The following SNTG2 variants were observed in gnomAD, a reference collection of about 807,000 sequenced individuals.
SNTG2 encodes gamma-2-syntrophin.
A neutral mutation model predicts 70.9 loss-of-function variants in SNTG2; 74 were observed. The observed-to-expected ratio is 1.04, with a 90% confidence interval of 0.86 to 1.27. The LOEUF (loss-of-function observed/expected upper bound fraction) is 1.27. Among genes scored for constraint, SNTG2 ranks in the 50% most tolerant of loss-of-function variants. The pLI, the probability that SNTG2 is intolerant of heterozygous loss-of-function variation, is 0.00. For missense variants in SNTG2, 717 were observed against 690.7 expected (o/e 1.04, Z -0.43); for synonymous variants, 278 against 273.8 (o/e 1.02, Z -0.15).
intron 1 of SNTG2, among the ~76,000 whole-genome samples, chr2:970,750 G>A (rs2147955761): frequency 6.6e-6 from 1 of 151,170 alleles, no homozygotes; most frequent in African/African-American, 2.4e-5. Context: ...TGTCTTTATA[G>A]CAGCATGATT....
At chr2:986,518 G>GGAA (rs1478490417) in intron 1 of SNTG2, among the ~76,000 whole-genome samples, 1 of 152,200 alleles carries the variant, frequency 6.6e-6, no homozygotes, top group Non-Finnish European at 1.5e-5. Flanking sequence ...AGTTAAAAAG[G>GGAA]GAAGATTTCA....
intron 16 of SNTG2, among the ~76,000 whole-genome samples, chr2:1,347,685 C>G (rs1222013470): frequency 1.3e-5 from 2 of 152,180 alleles, no homozygotes; most frequent in African/African-American, 4.8e-5. Context: ...ATGGCTGCAT[C>G]TCGCCCAACC....
chr2:982,891 A>G (rs1275709933), intron 1 of SNTG2, among the ~76,000 whole-genome samples: 3 of 152,128 alleles, frequency 2.0e-5, no homozygotes, highest in Non-Finnish European at 1.5e-5. Context: ...CCCCATCCCA[A>G]GGAGGGGGAA....
intron 4 of SNTG2, among the ~76,000 whole-genome samples, chr2:1,125,615 A>G (rs1257139878): frequency 1.3e-5 from 2 of 152,254 alleles, no homozygotes; most frequent in Non-Finnish European, 2.9e-5. Flanking sequence ...AGGAAAGCAT[A>G]CTTTAGATGG....
chr2:1,323,990 T>C (rs1260723307), intron 16 of SNTG2, among the ~76,000 whole-genome samples: 1 of 150,800 alleles, frequency 6.6e-6, no homozygotes, highest in Non-Finnish European at 1.5e-5. Flanking sequence ...GGCTGGTACA[T>C]AGGTAACAGT....
intron 12 of SNTG2, 90 bp downstream of exon 12, chr2:1,247,533 GGACA>G (rs749302494): frequency 5.8e-5 from 52 of 901,066 alleles, no homozygotes; most frequent in Non-Finnish European, 7.2e-5. Context: ...GTTTGGAGGA[GGACA>G]GACAGAGTGC....
At chr2:1,067,386 T>C (rs1663228714) in intron 1 of SNTG2, among the ~76,000 whole-genome samples, 1 of 152,224 alleles carries the variant, frequency 6.6e-6, no homozygotes, top group South Asian at 2.1e-4. Flanking sequence ...ATTTACACTT[T>C]TTATTTGGGA....
At chr2:1,139,806 A>G (rs1668629126) in intron 6 of SNTG2, among the ~76,000 whole-genome samples, 1 of 135,364 alleles carries the variant, frequency 7.4e-6, no homozygotes, top group Admixed American at 8.4e-5. Flanking sequence ...CAGTCTGGGC[A>G]ATAGAATGAG....
At chr2:1,255,681 G>A (rs1202276576) in intron 12 of SNTG2, among the ~76,000 whole-genome samples, 2 of 151,624 alleles carry the variant, frequency 1.3e-5, no homozygotes, top group African/African-American at 4.8e-5. Context: ...CACTAGGAGT[G>A]CCCTGCTTCA....
chr2:1,071,960 G>A (rs1663588449), intron 1 of SNTG2, among the ~76,000 whole-genome samples: 1 of 152,202 alleles, frequency 6.6e-6, no homozygotes, highest in Non-Finnish European at 1.5e-5. Context: ...GTCTAGAGAG[G>A]GGAGGAAGCT....
chr2:1,255,899 T>TATATATAA (rs1558602885), intron 12 of SNTG2, among the ~76,000 whole-genome samples: 2 of 96,852 alleles, frequency 2.1e-5, no homozygotes, highest in African/African-American at 4.7e-5. Flanking sequence ...TATATAAATA[T>TATATATAA]ATATATAAAT....
intron 6 of SNTG2, among the ~76,000 whole-genome samples, chr2:1,151,042 T>TA (rs1408796763): frequency 6.6e-6 from 1 of 152,254 alleles, no homozygotes; most frequent in Non-Finnish European, 1.5e-5. Flanking sequence ...GGAGTGGTTT[T>TA]GTCAAAACCT....
intron 1 of SNTG2, among the ~76,000 whole-genome samples, chr2:954,184 A>G (rs1298922384): frequency 6.6e-6 from 1 of 152,150 alleles, no homozygotes; most frequent in Admixed American, 6.5e-5. Flanking sequence ...TGGGGCGGAC[A>G]CAGGCAGGTG....
intron 4 of SNTG2, among the ~76,000 whole-genome samples, chr2:1,131,983 T>C (rs1303774499): frequency 6.6e-6 from 1 of 152,186 alleles, no homozygotes; most frequent in Non-Finnish European, 1.5e-5. Context: ...CTTCACCTAA[T>C]GTGAAAATGT....
chr2:956,619 G>A (rs1188240058), intron 1 of SNTG2, among the ~76,000 whole-genome samples: 3 of 152,172 alleles, frequency 2.0e-5, no homozygotes, highest in Non-Finnish European at 4.4e-5. Context: ...GCCCATCTCG[G>A]TCGGGCGTCT....
At position 1,032,213 on chromosome 2, in the gene SNTG2, C is replaced by T. The variant is rs939985457; in HGVS notation, c.73-51305C>T. Among the ~76,000 whole-genome samples the T allele has an allele frequency of 7.2e-5, 11 of 152,132 alleles. No homozygotes were observed. The South Asian group carries it at 8.3e-4, about 12-fold the overall frequency. On this transcript the variant is annotated intron_variant, in intron 1 of 16. Transcript: ENST00000308624. ...CACGGGCTGGGGCACGGGAGCACGGCGCCTCATGATTGATATGACCAAGAA... is the reference window on the plus strand; with the variant it reads ...CACGGGCTGGGGCACGGGAGCACGGTGCCTCATGATTGATATGACCAAGAA...
rs1411746752 is a variant in SNTG2 at position 976,161 on chromosome 2, CT to C, written c.72+25095del. Among the ~76,000 whole-genome samples, 3 of 152,218 alleles carry C rather than the reference CT, an allele frequency of 2.0e-5. No homozygotes were observed. In the East Asian group the frequency reaches 5.8e-4, roughly 29 times the overall value. ...CGATGAATCTGGAGTTTGTGGTGTG[CT>C]TATCAACAGAATAATTAGAAGCAAT... is the stretch of plus-strand genomic sequence containing the variant. On this transcript the variant is annotated intron_variant, in intron 1 of 16. Coordinates refer to ENST00000308624, the MANE Select transcript of SNTG2 (RefSeq NM_018968.4).
intron 1 of SNTG2, among the ~76,000 whole-genome samples, chr2:1,021,532 A>G (rs1660174040): frequency 6.6e-6 from 1 of 152,094 alleles, no homozygotes; most frequent in Non-Finnish European, 1.5e-5. Context: ...TTTTGTTTAA[A>G]TATATTTTTT....
At chr2:1,224,875 G>A (rs1267853638) in intron 9 of SNTG2, among the ~76,000 whole-genome samples, 1 of 152,202 alleles carries the variant, frequency 6.6e-6, no homozygotes, top group African/African-American at 2.4e-5. Flanking sequence ...TCACAAGAGT[G>A]GTTACGTTCC....
Sources: allele counts gnomAD v4.1 joint callset (sites outside exome capture counted in the v4.1 genomes callset), GRCh38; gene constraint gnomAD v4.1.1; transcripts MANE v1.5; gene names NCBI Gene and HGNC (gene_info 2026-07-23, HGNC 2026-07-21).